The following PACRG variants were observed in gnomAD, a reference collection of about 807,000 sequenced individuals.
The protein encoded by PACRG is parkin coregulated.
A neutral mutation model predicts 29.7 loss-of-function variants in PACRG; 29 were observed. The ratio of observed to expected loss-of-function variants is 0.98; its 90% confidence interval spans 0.73 to 1.33. The LOEUF (loss-of-function observed/expected upper bound fraction) is 1.33. PACRG is among the 40% of genes most tolerant of loss of function. The pLI is 0.00. For missense variants in PACRG, 279 were observed against 316.2 expected (o/e 0.88, Z 0.89); for synonymous variants, 116 against 118.7 (o/e 0.98, Z 0.15).
At chr6:162,907,570 A>C (rs370768423) in intron 2 of PACRG, among the ~76,000 whole-genome samples, 1 of 152,154 alleles carries the variant, frequency 6.6e-6, no homozygotes, top group East Asian at 1.9e-4. Context: ...AGCATAACTT[A>C]ATAGAGAAAA....
At chr6:163,032,554 CA>C (rs1361703781) in intron 2 of PACRG, among the ~76,000 whole-genome samples, 3 of 152,126 alleles carry the variant, frequency 2.0e-5, no homozygotes, top group Non-Finnish European at 4.4e-5. Context: ...TACAATAATT[CA>C]ACACAATTAT....
At chr6:163,278,543 T>C (rs560134691) in intron 4 of PACRG, among the ~76,000 whole-genome samples, 7 of 152,312 alleles carry the variant, frequency 4.6e-5, no homozygotes, top group African/African-American at 1.4e-4. Flanking sequence ...ACTTCATTCT[T>C]CTACATGTGG....
intron 4 of PACRG, among the ~76,000 whole-genome samples, chr6:163,277,592 A>G (rs62428015): frequency 0.094 from 13,987 of 149,192 alleles, 945 homozygotes; most frequent in Non-Finnish European, 0.13. Flanking sequence ...ATACATATAT[A>G]CATATACATA....
intron 1 of PACRG, among the ~76,000 whole-genome samples, chr6:162,782,063 A>G (rs919251624): frequency 6.6e-6 from 1 of 151,884 alleles, no homozygotes; most frequent in African/African-American, 2.4e-5. Context: ...TAAAATTTAC[A>G]TGGAAAAAGA....
At chr6:163,117,489 T>A (rs1816061260) in intron 4 of PACRG, among the ~76,000 whole-genome samples, 1 of 152,156 alleles carries the variant, frequency 6.6e-6, no homozygotes, top group South Asian at 2.1e-4. Context: ...CAGTAGCTCA[T>A]GCCTGTAATC....
intron 2 of PACRG, among the ~76,000 whole-genome samples, chr6:162,927,408 C>A (rs528128907): frequency 6.6e-6 from 1 of 151,886 alleles, no homozygotes; most frequent in Admixed American, 6.6e-5. Flanking sequence ...AACCCAAATG[C>A]GCATCAATAT....
At chr6:162,760,045 G>T (rs746516760) in intron 1 of PACRG, among the ~76,000 whole-genome samples, 3 of 152,142 alleles carry the variant, frequency 2.0e-5, no homozygotes, top group Non-Finnish European at 4.4e-5. Context: ...TTATACCAAA[G>T]TTTCATTCCT....
chr6:162,996,328 C>T (rs942147280), intron 2 of PACRG, among the ~76,000 whole-genome samples: 6 of 152,136 alleles, frequency 3.9e-5, no homozygotes, highest in African/African-American at 1.4e-4. Flanking sequence ...GGGGTCATTA[C>T]TGGCAAAAAT....
chr6:162,775,989 C>G lies in PACRG; in HGVS notation c.157-38158C>G, dbSNP rs577567305. 2.8e-3 allele frequency among the ~76,000 whole-genome samples: 420 copies of G among 151,940 alleles called. 1 individual carries two copies. Among genetic ancestry groups the G allele is most frequent in the African/African-American group, 9.7e-3 (401 of 41,384 alleles). On this transcript the variant is annotated intron_variant, in intron 1 of 4. Coordinates refer to ENST00000366888, the MANE Select transcript of PACRG (RefSeq NM_001080379.2). The stretch of plus-strand genomic sequence containing the variant: ...TGAAGCTGATATAACTTGGGAAGCC[C>G]TTTTTAAGAAAGGGAATATAAAATT...
intron 4 of PACRG, among the ~76,000 whole-genome samples, chr6:163,121,932 G>A (rs1360085509): frequency 1.3e-5 from 2 of 152,010 alleles, no homozygotes; most frequent in African/African-American, 4.8e-5. Context: ...AAAGTGCTGG[G>A]ATTACAGGTG....
intron 2 of PACRG, among the ~76,000 whole-genome samples, chr6:163,056,585 C>A (rs1810609940): frequency 6.6e-6 from 1 of 152,060 alleles, no homozygotes; most frequent in African/African-American, 2.4e-5. Context: ...GATCCTGAAC[C>A]ATTACCCCCC....
At chr6:162,794,363 T>C (rs1286894996) in intron 1 of PACRG, among the ~76,000 whole-genome samples, 2 of 152,210 alleles carry the variant, frequency 1.3e-5, no homozygotes, top group Admixed American at 1.3e-4. Flanking sequence ...TTTTTATTGA[T>C]TATGCTTGTA....
chr6:162,910,440 G>C (rs192928226), intron 2 of PACRG, among the ~76,000 whole-genome samples: 186 of 152,226 alleles, frequency 1.2e-3, no homozygotes, highest in African/African-American at 4.2e-3. Context: ...CATGAACCAT[G>C]TAGCTTTGAG....
At chr6:163,084,753 T>C (rs1240407352) in intron 3 of PACRG, among the ~76,000 whole-genome samples, 1 of 148,190 alleles carries the variant, frequency 6.7e-6, no homozygotes, top group African/African-American at 2.5e-5. Context: ...AGATTATTAA[T>C]GCATGCCCAA....
chr6:162,830,849 GCTGGAACCTTCTTACTTTT>G (rs1644787392), intron 2 of PACRG, among the ~76,000 whole-genome samples: 1 of 152,184 alleles, frequency 6.6e-6, no homozygotes, highest in Admixed American at 6.5e-5. Context: ...TCTAGCTGCT[GCTGGAACCTTCTTACTTTT>G]CTTACTTTCA....
intron 4 of PACRG, among the ~76,000 whole-genome samples, chr6:163,262,718 A>G (rs917136448): frequency 6.6e-6 from 1 of 151,998 alleles, no homozygotes; most frequent in African/African-American, 2.4e-5. Context: ...CATTTTTATC[A>G]GGAAACAAAT....
chr6:162,893,423 G>A (rs1474256034), intron 2 of PACRG, among the ~76,000 whole-genome samples: 2 of 152,148 alleles, frequency 1.3e-5, no homozygotes, highest in Non-Finnish European at 2.9e-5. Flanking sequence ...GAAACGGTGC[G>A]TTTTACCAGC....
chr6:162,897,218 C>A (rs1035284496), intron 2 of PACRG, among the ~76,000 whole-genome samples: 1 of 152,336 alleles, frequency 6.6e-6, no homozygotes. Flanking sequence ...AACAACAAGT[C>A]ATGAAGCTGA....
intron 1 of PACRG, among the ~76,000 whole-genome samples, chr6:162,745,665 G>A (rs1233430505): frequency 6.6e-6 from 1 of 152,166 alleles, no homozygotes; most frequent in Non-Finnish European, 1.5e-5. Context: ...TAACTAGGAT[G>A]ACTGCTGATT....
Sources: gnomAD v4.1 joint callset for allele counts (sites outside exome capture counted in the v4.1 genomes callset) on GRCh38, gnomAD v4.1.1 for gene constraint, MANE v1.5 for transcripts, NCBI Gene and HGNC (gene_info 2026-07-23, HGNC 2026-07-21) for gene names.